Variants in CHN2 observed in about 807,000 individuals in gnomAD.
CHN2 encodes beta-chimaerin.
In CHN2, 35 loss-of-function variants were observed where a neutral mutation model predicts 56.3. That is an observed-to-expected ratio of 0.62 (90% CI 0.47 to 0.82). CHN2 has a LOEUF of 0.82. CHN2 is among the 40% of genes least tolerant of loss of function. CHN2 has a pLI of 0.00. For synonymous variants in CHN2, 210 were observed against 212.8 expected (o/e 0.99, Z 0.12); for missense variants, 491 against 580.5 (o/e 0.85, Z 1.58).
At chr7:29,164,779 CAAAAAAAAAAAAA>C in intron 2 of CHN2, among the ~76,000 whole-genome samples, 1 of 85,884 alleles carries the variant, frequency 1.2e-5, no homozygotes. Context: ...AGACCTGTCT[CAAAAAAAAAAAAA>C]AAAAAAAAAC....
chr7:29,292,806 C>A, intron 1 of CHN2: 1 of 441,710 alleles, frequency 2.3e-6, no homozygotes, highest in Non-Finnish European at 4.6e-6. Flanking sequence ...AAAATATGTT[C>A]AGAATCTGAT....
chr7:29,167,356 T>G (rs1292212803), intron 2 of CHN2, among the ~76,000 whole-genome samples: 1 of 152,180 alleles, frequency 6.6e-6, no homozygotes, highest in Non-Finnish European at 1.5e-5. Flanking sequence ...CTATCCTAAA[T>G]GGTATTTCAT....
chr7:29,366,307 A>G (rs777626449), intron 2 of CHN2, among the ~76,000 whole-genome samples: 4 of 152,112 alleles, frequency 2.6e-5, no homozygotes, highest in Non-Finnish European at 5.9e-5. Flanking sequence ...TGCGACCTGA[A>G]GAGGGCCTAA....
chr7:29,480,469 G>A lies in CHN2; in HGVS notation c.654+113G>A, dbSNP rs182985901. On this transcript the variant is annotated intron_variant, in intron 7 of 12. Transcript: ENST00000222792. ...AAGTCAAGAGACAATGAATTCCTTT[G>A]CTTTCCACATTTAGCTATAAGCTTA... 280 of 1,132,978 alleles carry A rather than the reference G, an allele frequency of 2.5e-4. 2 individuals carry two copies. The African/African-American group carries it at 3.8e-3, about 15-fold the overall frequency. 70.2% of individuals were successfully genotyped at this position (1,132,978 alleles called of 1,614,324 possible). A position where few individuals can be genotyped will look rare whatever the true frequency, so the allele number is the denominator to read the frequency against.
At chr7:29,312,579 G>T (rs965414752) in intron 1 of CHN2, among the ~76,000 whole-genome samples, 2 of 152,180 alleles carry the variant, frequency 1.3e-5, no homozygotes, top group Non-Finnish European at 2.9e-5. Flanking sequence ...ACACAGCAGA[G>T]ATTCAAAAGG....
chr7:29,204,689 G>T (rs1464987707), intron 1 of CHN2, among the ~76,000 whole-genome samples: 1 of 152,158 alleles, frequency 6.6e-6, no homozygotes, highest in Non-Finnish European at 1.5e-5. Context: ...TACTCCCGGT[G>T]ACCAGGGCAC....
At chr7:29,280,383 CATA>C (rs67284433) in intron 1 of CHN2, among the ~76,000 whole-genome samples, 85,630 of 150,150 alleles carry the variant, frequency 0.57, 25,444 homozygotes, top group African/African-American at 0.74. Flanking sequence ...GGCTCCGTCT[CATA>C]AATAAATAAA....
chr7:29,311,958 G>C (rs2391748), intron 1 of CHN2, among the ~76,000 whole-genome samples: 90,345 of 151,966 alleles, frequency 0.59, 27,130 homozygotes, highest in East Asian at 0.65. Flanking sequence ...GTAAATGATT[G>C]AGGTAATATT....
At chr7:29,342,552 T>C (rs1341725161) in intron 1 of CHN2, among the ~76,000 whole-genome samples, 1 of 152,214 alleles carries the variant, frequency 6.6e-6, no homozygotes, top group Non-Finnish European at 1.5e-5. Flanking sequence ...ATGCCCACAG[T>C]GAACTCAAGA....
At chr7:29,286,521 C>T (rs1048153291) in intron 1 of CHN2, among the ~76,000 whole-genome samples, 1 of 152,116 alleles carries the variant, frequency 6.6e-6, no homozygotes, top group Non-Finnish European at 1.5e-5. Flanking sequence ...GCGAAGCCAG[C>T]GTCTTCTGCA....
chr7:29,243,748 G>A (rs1172581848), intron 1 of CHN2, among the ~76,000 whole-genome samples: 1 of 152,228 alleles, frequency 6.6e-6, no homozygotes, highest in Non-Finnish European at 1.5e-5. Context: ...CAGAGGGAAA[G>A]AGAATCCAAA....
chr7:29,226,593 G>A (rs1468229190), intron 1 of CHN2, among the ~76,000 whole-genome samples: 1 of 152,010 alleles, frequency 6.6e-6, no homozygotes, highest in Non-Finnish European at 1.5e-5. Context: ...TACATATATA[G>A]CAACGTAGGG....
At chr7:29,222,584 T>A (rs1785892606) in intron 1 of CHN2, among the ~76,000 whole-genome samples, 1 of 152,044 alleles carries the variant, frequency 6.6e-6, no homozygotes, top group African/African-American at 2.4e-5. Flanking sequence ...CCGTGAAAAC[T>A]GCAAAATATA....
chr7:29,441,169 T>C (rs1186550165), intron 6 of CHN2, among the ~76,000 whole-genome samples: 3 of 152,178 alleles, frequency 2.0e-5, no homozygotes, highest in African/African-American at 7.2e-5. Flanking sequence ...CATGTCCAAT[T>C]GATTTTTGAC....
rs1167339692 is a variant in CHN2 at position 29,355,772 on chromosome 7, ATTTTTTTTTTTTT to A, written c.88+1126_88+1138del. Among the ~76,000 whole-genome samples, 11 of 52,394 alleles carry A rather than the reference ATTTTTTTTTTTTT, an allele frequency of 2.1e-4. No homozygotes were observed. The Admixed American group carries it at 2.4e-3, about 11-fold the overall frequency. The allele number at this position is 52,394 out of a possible 152,430, so 34.4% of individuals were successfully genotyped here. ...TACCACAACTCTCACAGATGGGACT[ATTTTTTTTTTTTT>A]TTTTTTTTTTTTTTTTGAGACAGGG... On this transcript the variant is annotated intron_variant, in intron 2 of 12. Coordinates refer to ENST00000222792, the MANE Select transcript of CHN2 (RefSeq NM_004067.4).
At chr7:29,310,789 T>C (rs1386723780) in intron 1 of CHN2, among the ~76,000 whole-genome samples, 2 of 152,160 alleles carry the variant, frequency 1.3e-5, no homozygotes, top group Non-Finnish European at 2.9e-5. Flanking sequence ...CTCTTCTAGA[T>C]GGCACTAATC....
At chr7:29,323,815 G>A (rs143049171) in intron 1 of CHN2, among the ~76,000 whole-genome samples, 3,342 of 133,652 alleles carry the variant, frequency 0.025, 54 homozygotes, top group Middle Eastern at 0.083. Context: ...GGCTAACATG[G>A]TGAAACCCCG....
intron 2 of CHN2, among the ~76,000 whole-genome samples, chr7:29,158,517 C>T (rs1472213028): frequency 8.2e-5 from 3 of 36,700 alleles, no homozygotes; most frequent in African/African-American, 2.0e-4. Context: ...ATTGTGTAGC[C>T]TAGTCTTTAT....
chr7:29,296,058 G>T (rs1054614931), intron 1 of CHN2, among the ~76,000 whole-genome samples: 4 of 151,302 alleles, frequency 2.6e-5, no homozygotes, highest in Non-Finnish European at 4.4e-5. Context: ...TCTAAAAAGA[G>T]AAAGGTCTGT....
Sources: allele counts gnomAD v4.1 joint callset (sites outside exome capture counted in the v4.1 genomes callset), GRCh38; gene constraint gnomAD v4.1.1; transcripts MANE v1.5; gene names NCBI Gene and HGNC (gene_info 2026-07-23, HGNC 2026-07-21).